CCT7: variants seen among roughly 807,000 people sequenced by gnomAD.
CCT7 encodes T-complex protein 1 subunit eta.
Under a neutral mutation model 56.6 loss-of-function variants are expected in CCT7, and 16 were observed. That is an observed-to-expected ratio of 0.28 (90% confidence interval 0.19 to 0.43). CCT7 has a LOEUF of 0.43. Ranked by LOEUF, CCT7 falls within the 20% of genes least tolerant of loss-of-function variation. CCT7 has a pLI of 1.00. For synonymous variants in CCT7, 262 were observed against 254.8 expected (o/e 1.03, Z -0.27); for missense variants, 519 against 685.6 (o/e 0.76, Z 2.71).
At chr2:73,236,816 C>T (rs1686904620) in intron 1 of CCT7, among the ~76,000 whole-genome samples, 1 of 152,232 alleles carries the variant, frequency 6.6e-6, no homozygotes, top group Admixed American at 6.5e-5. Context: ...CATAGATGCT[C>T]TCTACCCAGC....
Position 73,252,852 on chromosome 2 carries a change from C to T in CCT7, c.1623C>T (p.Arg541=). 1 of 1,613,010 alleles carries T rather than the reference C, an allele frequency of 6.2e-7. No individual in the cohort carries two copies. The highest frequency in any genetic ancestry group is 8.5e-7 in the Non-Finnish European group (1 of 1,179,342). The part of the protein sequence containing the change: ...TAAGRGRGRG[R]PH ...CAGGCCGGGGCCGTGGTCGTGGCCG[C>T]CCCCACTGAGAGGCACCCCACCCAT... The change falls in exon 12 of 12, where the codon CGC becomes CGT. Residue 541 remains arginine (R), a synonymous_variant. Transcript: ENST00000258091.
At chr2:73,242,100 T>C (rs1230008419) in intron 3 of CCT7, among the ~76,000 whole-genome samples, 1 of 151,362 alleles carries the variant, frequency 6.6e-6, no homozygotes, top group Non-Finnish European at 1.5e-5. Flanking sequence ...TGTTTTAGTG[T>C]GATTTGACTG....
chr2:73,238,707 G>A (rs1339602832), intron 1 of CCT7, among the ~76,000 whole-genome samples: 1 of 152,184 alleles, frequency 6.6e-6, no homozygotes, highest in East Asian at 1.9e-4. Flanking sequence ...AAACACTTGA[G>A]AAGACTGGAT....
At chr2:73,236,416 A>G (rs1166652504) in intron 1 of CCT7, among the ~76,000 whole-genome samples, 1 of 150,902 alleles carries the variant, frequency 6.6e-6, no homozygotes, top group Non-Finnish European at 1.5e-5. Flanking sequence ...ATCTTGGCTC[A>G]CTGCAACCTC....
At chr2:73,235,209 C>G (rs1280102437) in intron 1 of CCT7, among the ~76,000 whole-genome samples, 1 of 152,144 alleles carries the variant, frequency 6.6e-6, no homozygotes, top group Non-Finnish European at 1.5e-5. Flanking sequence ...GCCCTACTTC[C>G]CACACTTCTT....
intron 1 of CCT7, 67 bp downstream of exon 1, chr2:73,234,451 C>T: frequency 6.3e-7 from 1 of 1,583,914 alleles, no homozygotes; most frequent in East Asian, 2.2e-5. Context: ...GCCGCTCGGC[C>T]TGGGCTTGCT....
chr2:73,235,906 T>A (rs1360914119), intron 1 of CCT7, among the ~76,000 whole-genome samples: 2 of 152,210 alleles, frequency 1.3e-5, no homozygotes, highest in Non-Finnish European at 2.9e-5. Context: ...ACTTCACCAG[T>A]GGGCTCTAGA....
At chr2:73,234,461 T>C in intron 1 of CCT7, 77 bp downstream of exon 1, 2 of 1,531,406 alleles carry the variant, frequency 1.3e-6, no homozygotes, top group Non-Finnish European at 1.8e-6. Context: ...CTGGGCTTGC[T>C]CTGTAGGACC....
At chr2:73,245,276 TG>T (rs1203886478) in intron 6 of CCT7, among the ~76,000 whole-genome samples, 2 of 152,250 alleles carry the variant, frequency 1.3e-5, no homozygotes, top group East Asian at 3.8e-4. Flanking sequence ...GACAAAAGAT[TG>T]CTTATATAGT....
At chr2:73,252,606 C>G (rs1271514357) in intron 11 of CCT7, 34 bp from the exon 12 acceptor site, 2 of 1,525,596 alleles carry the variant, frequency 1.3e-6, no homozygotes, top group South Asian at 2.2e-5. Flanking sequence ...GAAAGTAGTT[C>G]CATATTACCT....
intron 1 of CCT7, among the ~76,000 whole-genome samples, chr2:73,236,596 C>T (rs935127593): frequency 6.6e-6 from 1 of 152,182 alleles, no homozygotes; most frequent in Non-Finnish European, 1.5e-5. Context: ...ACCTTGGACT[C>T]CCAAAGTGCT....
chr2:73,240,402 A>T (rs1375033467), intron 2 of CCT7, 35 bp from the exon 3 acceptor site: 13 of 1,538,286 alleles, frequency 8.5e-6, no homozygotes, highest in Non-Finnish European at 1.1e-5. Context: ...AGCATTTAAG[A>T]AAGGGGCTTT....
chr2:73,248,351 CT>C lies in CCT7; in HGVS notation c.783+437del, dbSNP rs369535226. Among the ~76,000 whole-genome samples the C allele has an allele frequency of 3.3e-3, 475 of 144,200 alleles. 3 individuals are homozygous for C. Among genetic ancestry groups the C allele is most frequent in the African/African-American group, 5.4e-3 (215 of 39,532 alleles). 94.6% of individuals were successfully genotyped at this position (144,200 alleles called of 152,430 possible). On this transcript the variant is annotated intron_variant, in intron 7 of 11. Transcript: ENST00000258091. ...TTTGAGCAGTTCTTGGGGAAGGGGT[CT>C]TTTTTTTTTTTCCTTTAAGACGGAG... is the stretch of plus-strand genomic sequence containing the variant.
chr2:73,235,664 C>T (rs976817436), intron 1 of CCT7: 7 of 477,850 alleles, frequency 1.5e-5, no homozygotes, highest in Non-Finnish European at 2.0e-5. Context: ...CTTAGCTCTG[C>T]CACTTACTAG....
intron 3 of CCT7, among the ~76,000 whole-genome samples, chr2:73,241,873 T>C (rs1055498928): frequency 6.6e-6 from 1 of 151,782 alleles, no homozygotes; most frequent in Non-Finnish European, 1.5e-5. Context: ...CCCGAGTAGC[T>C]GAGATTGCAG....
chr2:73,248,192 G>A (rs1558568479), intron 7 of CCT7, among the ~76,000 whole-genome samples: 1 of 152,066 alleles, frequency 6.6e-6, no homozygotes, highest in Non-Finnish European at 1.5e-5. Flanking sequence ...TAGCCTGCCC[G>A]GTATTTTGGT....
At chr2:73,236,231 G>A (rs923289976) in intron 1 of CCT7, among the ~76,000 whole-genome samples, 3 of 152,240 alleles carry the variant, frequency 2.0e-5, no homozygotes, top group Admixed American at 2.0e-4. Flanking sequence ...TAAGCTTAAT[G>A]ATGCTTAGTG....
intron 5 of CCT7, 32 bp downstream of exon 5, chr2:73,244,081 T>TG: frequency 6.4e-7 from 1 of 1,572,356 alleles, no homozygotes; most frequent in Non-Finnish European, 8.7e-7. Context: ...TTTTTTTTTT[T>TG]TAAAGAGACG....
rs751488670 is a variant in CCT7, at chr2:73,251,345, C to T, written c.1323C>T (p.Ala441=). Residue 441 remains alanine, a synonymous_variant, in exon 11 of 12, where the codon GCC becomes GCT. Transcript: ENST00000258091. Reference sequence around the variant, plus strand: ...TGTTGATTGGGGCATATGCCAAGGCCTTGGAGATTATCCCACGCCAGCTGT... The same window carrying T: ...TGTTGATTGGGGCATATGCCAAGGCTTTGGAGATTATCCCACGCCAGCTGT... ...QQLLIGAYAK[A]LEIIPRQLCD... 20 of 1,613,936 alleles carry T rather than the reference C, an allele frequency of 1.2e-5. No homozygotes were observed. The highest frequency in any genetic ancestry group is 3.3e-4 in the Middle Eastern group (2 of 6,084).
Sources: allele counts gnomAD v4.1 joint callset (sites outside exome capture counted in the v4.1 genomes callset), GRCh38; gene constraint gnomAD v4.1.1; transcripts MANE v1.5; gene names NCBI Gene and HGNC (gene_info 2026-07-23, HGNC 2026-07-21).